Variants in PTPRT observed in about 807,000 individuals in gnomAD.
PTPRT encodes the protein receptor-type tyrosine-protein phosphatase T.
PTPRT carries 56 observed loss-of-function variants against 176.8 expected under a neutral mutation model. The observed-to-expected ratio is 0.32, with a 90% confidence interval of 0.26 to 0.40. The LOEUF is 0.40. Ranked by LOEUF, PTPRT falls within the 10% of genes least tolerant of loss-of-function variation. The pLI is 1.00. For synonymous variants in PTPRT, 783 were observed against 739.0 expected (o/e 1.06, Z -0.96); for missense variants, 1,540 against 1,908.2 (o/e 0.81, Z 3.60).
chr20:42,253,152 C>A (rs1048313966), intron 13 of PTPRT, among the ~76,000 whole-genome samples: 1 of 152,172 alleles, frequency 6.6e-6, no homozygotes, highest in African/African-American at 2.4e-5. Flanking sequence ...GAGGGTCCCG[C>A]TTTTGTGGCA....
intron 1 of PTPRT, among the ~76,000 whole-genome samples, chr20:43,000,436 A>G (rs372634836): frequency 6.6e-6 from 1 of 152,230 alleles, no homozygotes; most frequent in Non-Finnish European, 1.5e-5. Context: ...TAAGTGAATT[A>G]TAAGTTTGCT....
chr20:42,032,503 G>T, the PTPRT span, among the ~76,000 whole-genome samples: 1 of 152,158 alleles, frequency 6.6e-6, no homozygotes, highest in Non-Finnish European at 1.5e-5. Context: ...AAGGGGAAAG[G>T]CCACTCATTT....
chr20:42,476,546 G>A (rs1349037824), intron 7 of PTPRT, among the ~76,000 whole-genome samples: 3 of 152,206 alleles, frequency 2.0e-5, no homozygotes, highest in Non-Finnish European at 4.4e-5. Context: ...GTGCTCATGT[G>A]TGTTACTGAA....
intron 17 of PTPRT, among the ~76,000 whole-genome samples, chr20:42,158,133 ATGT>A: frequency 6.6e-6 from 1 of 152,352 alleles, no homozygotes. Flanking sequence ...TGGTTGTTTC[ATGT>A]TGTTAAAATT....
intron 13 of PTPRT, among the ~76,000 whole-genome samples, chr20:42,255,890 A>G (rs1252783480): frequency 2.6e-5 from 4 of 152,102 alleles, no homozygotes; most frequent in East Asian, 1.9e-4. Flanking sequence ...TAAAAACTGC[A>G]CTCTTTAAAA....
At chr20:43,051,644 A>G (rs966933074) in intron 1 of PTPRT, among the ~76,000 whole-genome samples, 6 of 151,308 alleles carry the variant, frequency 4.0e-5, no homozygotes, top group Non-Finnish European at 5.9e-5. Flanking sequence ...AAAAAAAAAA[A>G]AAAAATCTAC....
In PTPRT at chr20:42,783,316, C is replaced by T. The variant is rs978759145; in HGVS notation, c.487-3017G>A. Among the ~76,000 whole-genome samples, 69 of 151,838 alleles carry T rather than the reference C, an allele frequency of 4.5e-4. No homozygotes were observed. The Middle Eastern group carries it at 0.014, about 30-fold the overall frequency. ...CAGGTTGAGAATAATATTTGTAATACCTATGTCAGCTAATATGAAAATATC... is the reference window on the plus strand; with the variant it reads ...CAGGTTGAGAATAATATTTGTAATATCTATGTCAGCTAATATGAAAATATC... On this transcript the variant is annotated intron_variant, in intron 3 of 30. Coordinates refer to ENST00000373187, the MANE Select transcript of PTPRT (RefSeq NM_007050.6).
At chr20:42,323,947 G>A (rs6030137) in intron 11 of PTPRT, among the ~76,000 whole-genome samples, 60,069 of 151,830 alleles carry the variant, frequency 0.4, 12,815 homozygotes, top group African/African-American at 0.57. Context: ...AGTCACTCTG[G>A]GACACAGTCT....
intron 2 of PTPRT, among the ~76,000 whole-genome samples, chr20:42,862,748 A>G (rs1328195827): frequency 1.3e-5 from 2 of 152,188 alleles, no homozygotes; most frequent in Non-Finnish European, 2.9e-5. Flanking sequence ...TCAAGACTGC[A>G]AAACAAGTGA....
At position 42,921,403 on chromosome 20, in the gene PTPRT, A is replaced by G. The variant is rs148575587; in HGVS notation, c.89-35471T>C. The stretch of plus-strand genomic sequence containing the variant: ...GATCTCTATAAAAATGTAGATCTCA[A>G]CATAGTGAGATCTCTACAAAAAATG... On this transcript the variant is annotated intron_variant, in intron 1 of 30. Transcript: ENST00000373187. Among the ~76,000 whole-genome samples the G allele has an allele frequency of 9.4e-3, 1,428 of 151,536 alleles. 11 individuals are homozygous for G. The highest frequency in any genetic ancestry group is 0.015 in the Non-Finnish European group (1,031 of 67,816).
At position 42,352,294 on chromosome 20, in the gene PTPRT, C is replaced by G. The variant is rs373298757; in HGVS notation, c.1561-9G>C. 4.7e-5 allele frequency: 76 copies of G among 1,613,800 alleles called. No individual in the cohort carries two copies. In the African/African-American group the frequency reaches 8.8e-4, roughly 19 times the overall value. On this transcript the variant is annotated splice_polypyrimidine_tract_variant and intron_variant, in intron 9 of 30. Transcript: ENST00000373187. ...ACAGCCTTGTAGTTGATCTGTAGGA[C>G]AAGCCAGCAAACAAACAAACAAATA...
At chr20:42,756,027 A>C (rs1475502972) in intron 6 of PTPRT, among the ~76,000 whole-genome samples, 2 of 152,222 alleles carry the variant, frequency 1.3e-5, no homozygotes, top group African/African-American at 4.8e-5. Context: ...GTGAGGAATT[A>C]TTCATTTCAA....
At chr20:42,901,339 C>A (rs1374648077) in intron 1 of PTPRT, among the ~76,000 whole-genome samples, 1 of 152,128 alleles carries the variant, frequency 6.6e-6, no homozygotes, top group African/African-American at 2.4e-5. Flanking sequence ...CAGCACAGTG[C>A]CTGGCACATA....
chr20:42,529,773 C>T lies in PTPRT; in HGVS notation c.1154-57211G>A, dbSNP rs551003301. The stretch of plus-strand genomic sequence containing the variant: ...AAGTGCTGGGATTACAGGGGTGAGC[C>T]ACTACGCCTGGCCTCAAAGTAAATT... On this transcript the variant is annotated intron_variant, in intron 7 of 30. Coordinates refer to ENST00000373187, the MANE Select transcript of PTPRT (RefSeq NM_007050.6). Among the ~76,000 whole-genome samples, 15 of 150,846 alleles carry T rather than the reference C, an allele frequency of 9.9e-5. No individual in the cohort carries two copies. The East Asian group carries it at 2.9e-3, about 29-fold the overall frequency.
chr20:42,270,387 T>C, intron 13 of PTPRT: 2 of 866,396 alleles, frequency 2.3e-6, no homozygotes, highest in Non-Finnish European at 3.4e-6. Flanking sequence ...CCCAGGGCTC[T>C]GGTGATCACC....
intron 14 of PTPRT, among the ~76,000 whole-genome samples, chr20:42,239,185 A>C (rs565291877): frequency 6.6e-6 from 1 of 152,258 alleles, no homozygotes; most frequent in Non-Finnish European, 1.5e-5. Context: ...GGAATAATAA[A>C]ATATGAACAA....
At chr20:42,642,368 C>T (rs544902139) in intron 7 of PTPRT, among the ~76,000 whole-genome samples, 11 of 152,116 alleles carry the variant, frequency 7.2e-5, no homozygotes, top group Non-Finnish European at 1.3e-4. Context: ...AGTTGTGGGA[C>T]GTTGACAGAG....
intron 13 of PTPRT, among the ~76,000 whole-genome samples, chr20:42,251,229 C>T (rs567146533): frequency 1.3e-5 from 2 of 152,254 alleles, no homozygotes; most frequent in Admixed American, 1.3e-4. Context: ...TGCCTGCTAC[C>T]AGGTCCTGTT....
At chr20:43,046,919 T>G (rs1353283804) in intron 1 of PTPRT, among the ~76,000 whole-genome samples, 3 of 152,244 alleles carry the variant, frequency 2.0e-5, no homozygotes, top group Non-Finnish European at 2.9e-5. Flanking sequence ...ATTTCCCTTC[T>G]GCTTTCAATA....
Sources: gnomAD v4.1 joint callset for allele counts (sites outside exome capture counted in the v4.1 genomes callset) on GRCh38, gnomAD v4.1.1 for gene constraint, MANE v1.5 for transcripts, NCBI Gene and HGNC (gene_info 2026-07-23, HGNC 2026-07-21) for gene names.